Variants in CAPS2 observed in about 807,000 individuals in gnomAD.
CAPS2 encodes calcyphosin-2.
Under a neutral mutation model 86.5 loss-of-function variants are expected in CAPS2, and 98 were observed. The ratio of observed to expected loss-of-function variants is 1.13; its 90% CI spans 0.96 to 1.34. The LOEUF is 1.34. Ranked by LOEUF, CAPS2 falls within the 40% of genes most tolerant of loss-of-function variation. The pLI, the probability that CAPS2 is intolerant of heterozygous loss-of-function variation, is 0.00. For missense variants in CAPS2, 729 were observed against 686.8 expected (o/e 1.06, Z -0.69); for synonymous variants, 210 against 225.1 (o/e 0.93, Z 0.60).
intron 1 of CAPS2, among the ~76,000 whole-genome samples, chr12:75,376,501 G>A (rs569596141): frequency 1.3e-5 from 2 of 152,308 alleles, no homozygotes; most frequent in South Asian, 4.1e-4. Flanking sequence ...GATGTGTCCT[G>A]AGGAGAATCA....
chr12:75,357,270 A>G (rs547119519), intron 1 of CAPS2, among the ~76,000 whole-genome samples: 1 of 152,348 alleles, frequency 6.6e-6, no homozygotes, highest in East Asian at 1.9e-4. Flanking sequence ...TATCAGAGAT[A>G]AATTTCACTT....
intron 1 of CAPS2, among the ~76,000 whole-genome samples, chr12:75,381,534 T>C (rs2044977346): frequency 6.6e-6 from 1 of 151,864 alleles, no homozygotes; most frequent in African/African-American, 2.4e-5. Flanking sequence ...TTAGACTTTT[T>C]TTTTTTTTTT....
chr12:75,347,898 T>C (rs2042561726), intron 1 of CAPS2, among the ~76,000 whole-genome samples: 2 of 152,000 alleles, frequency 1.3e-5, no homozygotes, highest in Admixed American at 1.3e-4. Context: ...TTGCCTTACT[T>C]AAAGAAAAAT....
chr12:75,290,632 T>C (rs1229667029), intron 13 of CAPS2, among the ~76,000 whole-genome samples: 1 of 152,048 alleles, frequency 6.6e-6, no homozygotes, highest in African/African-American at 2.4e-5. Flanking sequence ...ATTCACAAAT[T>C]AGGCCAAGTG....
intron 1 of CAPS2, among the ~76,000 whole-genome samples, chr12:75,376,391 G>A (rs976649577): frequency 1.4e-4 from 21 of 152,148 alleles, no homozygotes; most frequent in African/African-American, 4.6e-4. Flanking sequence ...CTTTTGGAGT[G>A]TAGTGCACTT....
At chr12:75,287,202 C>T (rs181533962) in intron 14 of CAPS2, among the ~76,000 whole-genome samples, 1 of 151,822 alleles carries the variant, frequency 6.6e-6, no homozygotes, top group African/African-American at 2.4e-5. Flanking sequence ...GACAGTTGGG[C>T]ACTTCAGGCC....
In CAPS2 at chr12:75,289,615, AC is replaced by A; in HGVS notation, c.1395+5del. 1 of 1,607,726 alleles carries A rather than the reference AC, an allele frequency of 6.2e-7. No individual in the cohort carries two copies. Among genetic ancestry groups the A allele is most frequent in the Non-Finnish European group, 8.5e-7 (1 of 1,177,892 alleles). ...TCTGCTGCAGAGAATTTTCTGTAGC[AC>A]ATACCTTTTCAGACACTTCTAAGTG... On this transcript the variant is annotated splice_donor_5th_base_variant and intron_variant, in intron 14 of 16. Transcript: ENST00000393284.
At chr12:75,356,759 TG>T (rs1405068525) in intron 1 of CAPS2, among the ~76,000 whole-genome samples, 1 of 152,176 alleles carries the variant, frequency 6.6e-6, no homozygotes, top group Non-Finnish European at 1.5e-5. Context: ...ATTGCACAAT[TG>T]GCTAAGAAAT....
chr12:75,318,994 A>C (rs961695821), intron 5 of CAPS2, among the ~76,000 whole-genome samples: 4 of 152,226 alleles, frequency 2.6e-5, no homozygotes, highest in Middle Eastern at 3.2e-3. Context: ...GGTATTTGAA[A>C]TGAATAATGA....
intron 1 of CAPS2, among the ~76,000 whole-genome samples, chr12:75,369,082 G>A (rs912650563): frequency 2.6e-5 from 4 of 151,828 alleles, no homozygotes; most frequent in Admixed American, 1.3e-4. Context: ...TGAGAGATAC[G>A]CAATATAGCA....
intron 1 of CAPS2, among the ~76,000 whole-genome samples, chr12:75,375,038 T>TC: frequency 6.6e-6 from 1 of 152,188 alleles, no homozygotes; most frequent in Non-Finnish European, 1.5e-5. Context: ...ATCTCTGCAA[T>TC]CCCCCCAGGG....
chr12:75,276,104 A>T, downstream of CAPS2: 1 of 1,203,562 alleles, frequency 8.3e-7, no homozygotes, highest in Non-Finnish European at 1.1e-6. Flanking sequence ...ATGATCAGAA[A>T]CGAATACATC....
At chr12:75,370,208 G>A (rs1253462505) in intron 1 of CAPS2, 1 of 1,123,872 alleles carries the variant, frequency 8.9e-7, no homozygotes, top group Non-Finnish European at 1.3e-6. Context: ...ATTCTCAAAT[G>A]TTAAAATAAA....
chr12:75,317,185 G>A (rs2039858781), intron 5 of CAPS2, among the ~76,000 whole-genome samples: 1 of 152,038 alleles, frequency 6.6e-6, no homozygotes, highest in Admixed American at 6.6e-5. Context: ...ATGAAAGCAG[G>A]AACCTTGTCT....
intron 1 of CAPS2, among the ~76,000 whole-genome samples, chr12:75,362,293 T>C (rs184236276): frequency 2.6e-5 from 4 of 152,092 alleles, no homozygotes; most frequent in Non-Finnish European, 2.9e-5. Flanking sequence ...AAAATACAAA[T>C]TAAGGTCACA....
exon 17 of CAPS2, chr12:75,278,067 T>A (rs2033224320): frequency 1.1e-6 from 1 of 886,638 alleles, no homozygotes; most frequent in Non-Finnish European, 1.4e-6. Context: ...AATATACTTT[T>A]AGGATCTTTG....
chr12:75,302,171 G>GA (rs1193179955), intron 8 of CAPS2, among the ~76,000 whole-genome samples: 2 of 152,068 alleles, frequency 1.3e-5, no homozygotes, highest in Admixed American at 1.3e-4. Context: ...CCTCCTCTGG[G>GA]AAAAATAAAT....
intron 1 of CAPS2, among the ~76,000 whole-genome samples, chr12:75,352,232 C>G (rs60691722): frequency 1.3e-5 from 2 of 152,182 alleles, no homozygotes; most frequent in African/African-American, 4.8e-5. Context: ...AAAGAGCCAA[C>G]ATCCATCAGT....
chr12:75,324,197 C>A (rs1268000962), intron 2 of CAPS2, among the ~76,000 whole-genome samples: 1 of 152,068 alleles, frequency 6.6e-6, no homozygotes, highest in Non-Finnish European at 1.5e-5. Flanking sequence ...AAAATATTAA[C>A]CAATATTCAT....
Sources: allele counts gnomAD v4.1 joint callset (sites outside exome capture counted in the v4.1 genomes callset), GRCh38; gene constraint gnomAD v4.1.1; transcripts MANE v1.5; gene names NCBI Gene and HGNC (gene_info 2026-07-23, HGNC 2026-07-21).